Variants in ATR observed in about 807,000 individuals in gnomAD.
The protein encoded by ATR is ATR checkpoint kinase.
Under a neutral mutation model 305.3 loss-of-function variants are expected in ATR, and 142 were observed. The observed-to-expected ratio is 0.47, with a 90% CI of 0.41 to 0.53. The LOEUF (loss-of-function observed/expected upper bound fraction) is 0.53. Among genes scored for constraint, ATR ranks in the 20% least tolerant of loss-of-function variants. The probability of loss-of-function intolerance (pLI) is 0.00; values close to 1 mark genes in which losing one functional copy is unlikely to be tolerated. For synonymous variants in ATR, 1,050 were observed against 1,068.1 expected, an observed-to-expected ratio of 0.98 and a Z score of 0.33; for missense variants, 2,135 against 3,133.1, an observed-to-expected ratio of 0.68 and a Z score of 7.60.
intron 26 of ATR, among the ~76,000 whole-genome samples, 155 bp downstream of exon 26, chr3:142,513,346 G>T (rs1376230874): frequency 1.3e-5 from 2 of 152,146 alleles, no homozygotes; most frequent in Admixed American, 1.3e-4. Flanking sequence ...CAATTAAAGG[G>T]ATACACACAC....
rs1289214689 is a variant in ATR, at chr3:142,449,424, T to G, written c.*5A>C. 1.9e-6 allele frequency: 3 copies of G among 1,597,500 alleles called. No individual in the cohort carries two copies. Among genetic ancestry groups the G allele is most frequent in the Non-Finnish European group, 2.6e-6 (3 of 1,164,944 alleles). On this transcript the variant is annotated 3_prime_UTR_variant, in exon 47 of 47. Coordinates refer to ENST00000350721, the MANE Select transcript of ATR (RefSeq NM_001184.4). ...TATTAACATATTCTTTTACATAATTTCATTTCACATATATGGAGTCCAACC... is the reference window on the plus strand; with the variant it reads ...TATTAACATATTCTTTTACATAATTGCATTTCACATATATGGAGTCCAACC...
chr3:142,500,482 T>G (rs2031899477), intron 30 of ATR, among the ~76,000 whole-genome samples: 1 of 152,200 alleles, frequency 6.6e-6, no homozygotes, highest in South Asian at 2.1e-4. Flanking sequence ...TTCTGCCATA[T>G]GTTTAGATCC....
At chr3:142,567,966 T>C (rs554033148) in intron 2 of ATR, 97 bp downstream of exon 2, 1 of 978,216 alleles carries the variant, frequency 1.0e-6, no homozygotes, top group East Asian at 2.7e-5. Context: ...AAATACTCCA[T>C]ATCTAAAACT....
At chr3:142,450,741 G>A in intron 46 of ATR, 1 of 1,543,154 alleles carries the variant, frequency 6.5e-7, no homozygotes, top group Non-Finnish European at 8.8e-7. Context: ...TGAAGGTGCT[G>A]GCAGGTCTTC....
intron 35 of ATR, among the ~76,000 whole-genome samples, chr3:142,487,733 A>C (rs1288524796): frequency 6.6e-6 from 1 of 152,148 alleles, no homozygotes; most frequent in Admixed American, 6.5e-5. Flanking sequence ...GTTGCCTCTA[A>C]CTCACAATGG....
At position 142,498,784 on chromosome 3, in the gene ATR, A is replaced by C. The variant is rs1470505112; in HGVS notation, c.5381-10T>G. ...GTTGTAGATTTTCCATCTGAAAAAC[A>C]AATGAAGAGTCAAGAAATGTCACGG... On this transcript the variant is annotated splice_polypyrimidine_tract_variant and intron_variant, in intron 31 of 46. Transcript: ENST00000350721. 6.2e-7 allele frequency: 1 copy of C among 1,613,680 alleles called. No homozygotes were observed. The highest frequency in any genetic ancestry group is 8.5e-7 in the Non-Finnish European group (1 of 1,179,790).
At chr3:142,472,876 A>T (rs965771920) in intron 36 of ATR, among the ~76,000 whole-genome samples, 1 of 152,054 alleles carries the variant, frequency 6.6e-6, no homozygotes, top group African/African-American at 2.4e-5. Flanking sequence ...CTGGGCTCAA[A>T]CGATCCATCT....
intron 36 of ATR, among the ~76,000 whole-genome samples, chr3:142,477,735 G>T (rs2029999039): frequency 6.6e-6 from 1 of 152,006 alleles, no homozygotes; most frequent in African/African-American, 2.4e-5. Flanking sequence ...ACTTTTTTTG[G>T]TTGGTAAGCT....
At chr3:142,541,902 C>G (rs961902300) in intron 17 of ATR, among the ~76,000 whole-genome samples, 1 of 151,680 alleles carries the variant, frequency 6.6e-6, no homozygotes, top group Non-Finnish European at 1.5e-5. Context: ...GGAGAGTATA[C>G]ACTGAAATAA....
At chr3:142,451,413 A>G in intron 46 of ATR, 1 of 1,481,604 alleles carries the variant, frequency 6.7e-7, no homozygotes, top group Non-Finnish European at 9.1e-7. Flanking sequence ...GAAGCCTAGA[A>G]ATATTTTTCT....
chr3:142,572,951 A>T (rs1277944048), intron 1 of ATR, among the ~76,000 whole-genome samples: 1 of 152,102 alleles, frequency 6.6e-6, no homozygotes, highest in Non-Finnish European at 1.5e-5. Context: ...ATTCCCTGCC[A>T]CTAGACTATA....
intron 36 of ATR, among the ~76,000 whole-genome samples, chr3:142,477,924 G>A (rs545313299): frequency 3.9e-5 from 6 of 152,140 alleles, no homozygotes; most frequent in Admixed American, 3.3e-4. Context: ...TATTTCTGTG[G>A]GATCGGTGAT....
chr3:142,502,956 T>A (rs9835086), intron 30 of ATR, among the ~76,000 whole-genome samples: 10,181 of 152,248 alleles, frequency 0.067, 1,077 homozygotes, highest in African/African-American at 0.23. Flanking sequence ...TTCACATTCA[T>A]CAATCATTTA....
At chr3:142,534,397 T>C (rs1484097890) in intron 21 of ATR, among the ~76,000 whole-genome samples, 1 of 152,168 alleles carries the variant, frequency 6.6e-6, no homozygotes, top group Non-Finnish European at 1.5e-5. Flanking sequence ...TCTTTTGTCC[T>C]AAGTAAGTGC....
chr3:142,554,052 A>G, intron 10 of ATR, 37 bp from the exon 11 acceptor site: 1 of 1,494,188 alleles, frequency 6.7e-7, no homozygotes, highest in Non-Finnish European at 9.2e-7. Flanking sequence ...AATTTAACAT[A>G]TTAAATGTCA....
rs566349902 is a variant in ATR, at chr3:142,451,198, G to A, written c.7762-1596C>T. The A allele has an allele frequency of 3.4e-6, 4 of 1,180,382 alleles. No individual in the cohort carries two copies. The South Asian group carries it at 7.0e-5, about 21-fold the overall frequency. 73.1% of individuals were successfully genotyped at this position (1,180,382 alleles called of 1,614,324 possible). A position where few individuals can be genotyped will look rare whatever the true frequency, so the allele number is the denominator to read the frequency against. On this transcript the variant is annotated intron_variant, in intron 46 of 46. Transcript: ENST00000350721. ...AAAACTTCAACTTGTTGGGGATCGA[G>A]GTGCAGTACCACCTGATGCTGCACA...
intron 36 of ATR, among the ~76,000 whole-genome samples, chr3:142,475,592 T>A (rs1362630461): frequency 6.6e-6 from 1 of 152,270 alleles, no homozygotes; most frequent in Non-Finnish European, 1.5e-5. Context: ...GCATGATTTA[T>A]ATTCCTTTGG....
At chr3:142,557,224 A>G (rs1443039602) in intron 8 of ATR, among the ~76,000 whole-genome samples, 2 of 152,100 alleles carry the variant, frequency 1.3e-5, no homozygotes, top group African/African-American at 4.8e-5. Flanking sequence ...ATTTCTAACA[A>G]GTCCCTAAAT....
At chr3:142,485,726 T>G (rs538299432) in intron 35 of ATR, among the ~76,000 whole-genome samples, 1 of 152,270 alleles carries the variant, frequency 6.6e-6, no homozygotes, top group African/African-American at 2.4e-5. Flanking sequence ...TTAAAAAGCA[T>G]AAAAATTTTG....
Sources: allele counts gnomAD v4.1 joint callset (sites outside exome capture counted in the v4.1 genomes callset), GRCh38; gene constraint gnomAD v4.1.1; transcripts MANE v1.5; gene names NCBI Gene and HGNC (gene_info 2026-07-23, HGNC 2026-07-21).